Variants in LHFPL2 observed in about 807,000 individuals in gnomAD.
LHFPL2 encodes LHFPL tetraspan subfamily member 2 protein.
Under a neutral mutation model 17.5 loss-of-function variants are expected in LHFPL2, and 7 were observed. The observed-to-expected ratio is 0.40, with a 90% CI of 0.23 to 0.75. The LOEUF (loss-of-function observed/expected upper bound fraction) is 0.75. Among genes scored for constraint, LHFPL2 ranks in the 30% least tolerant of loss-of-function variants. The pLI is 0.37. For missense variants in LHFPL2, 241 were observed against 294.8 expected, an observed-to-expected ratio of 0.82 and a Z score of 1.34; for synonymous variants, 134 against 116.2, an observed-to-expected ratio of 1.15 and a Z score of -0.99.
rs1304308898 is a variant in LHFPL2, at chr5:78,561,411, G to C, written c.-186+3402C>G. Among the ~76,000 whole-genome samples the C allele has an allele frequency of 2.6e-5, 4 of 152,310 alleles. No individual in the cohort carries two copies. In the East Asian group the frequency reaches 5.8e-4, roughly 22 times the overall value. On this transcript the variant is annotated intron_variant, in intron 3 of 4. Transcript: ENST00000380345. ...ATAGCGCTTTCACTTTGCCCCTTCG[G>C]CTAGAATTCCCCTAGATGGGAAGAG... is the stretch of plus-strand genomic sequence containing the variant.
At chr5:78,506,849 G>C (rs11740877) in intron 4 of LHFPL2, among the ~76,000 whole-genome samples, 48,381 of 152,092 alleles carry the variant, frequency 0.32, 8,319 homozygotes, top group East Asian at 0.72. Flanking sequence ...TCTCTGCCTT[G>C]TGCCAATTTA....
At chr5:78,528,303 CAGG>C (rs1219340781) in intron 3 of LHFPL2, among the ~76,000 whole-genome samples, 7 of 152,234 alleles carry the variant, frequency 4.6e-5, no homozygotes, top group Non-Finnish European at 1.5e-5. Context: ...GGCTGCACAG[CAGG>C]AGGTGAGTGG....
chr5:78,592,639 CAT>C (rs1554058161), intron 2 of LHFPL2, among the ~76,000 whole-genome samples: 1 of 73,638 alleles, frequency 1.4e-5, no homozygotes, highest in East Asian at 3.0e-4. Flanking sequence ...CACACACACA[CAT>C]TACTCTTCAA....
At chr5:78,507,338 A>C (rs377517505) in intron 4 of LHFPL2, among the ~76,000 whole-genome samples, 2 of 151,918 alleles carry the variant, frequency 1.3e-5, no homozygotes, top group South Asian at 2.1e-4. Context: ...TTAAAAAAAA[A>C]AAAGAAAAGA....
intron 2 of LHFPL2, among the ~76,000 whole-genome samples, chr5:78,570,337 G>A (rs540455287): frequency 3.9e-5 from 6 of 152,292 alleles, no homozygotes; most frequent in African/African-American, 7.2e-5. Flanking sequence ...CAGGAATTCC[G>A]GCATGAGAAG....
intron 3 of LHFPL2, among the ~76,000 whole-genome samples, chr5:78,562,053 G>A (rs968524245): frequency 2.0e-5 from 3 of 152,228 alleles, no homozygotes; most frequent in African/African-American, 7.2e-5. Flanking sequence ...CACAGAAAGA[G>A]CCTGGCAGAG....
chr5:78,587,609 A>T (rs1743463982), intron 2 of LHFPL2, among the ~76,000 whole-genome samples: 1 of 152,224 alleles, frequency 6.6e-6, no homozygotes, highest in South Asian at 2.1e-4. Flanking sequence ...AATTTCTCTG[A>T]CAATTGTTTG....
chr5:78,541,127 C>T (rs1464467113), intron 3 of LHFPL2, among the ~76,000 whole-genome samples: 2 of 152,160 alleles, frequency 1.3e-5, no homozygotes, highest in Non-Finnish European at 2.9e-5. Context: ...TGATGTATCA[C>T]CATTGAGTCA....
chr5:78,575,222 G>A (rs1757099050), intron 2 of LHFPL2, among the ~76,000 whole-genome samples: 1 of 152,116 alleles, frequency 6.6e-6, no homozygotes, highest in South Asian at 2.1e-4. Flanking sequence ...GAAAGAAAGG[G>A]TTTTGCTGTA....
intron 2 of LHFPL2, among the ~76,000 whole-genome samples, chr5:78,605,007 C>A (rs1744162917): frequency 6.6e-6 from 1 of 152,296 alleles, no homozygotes; most frequent in African/African-American, 2.4e-5. Flanking sequence ...GCTGAATGAA[C>A]CTGTACAACA....
At chr5:78,572,539 CAT>C (rs149879461) in intron 2 of LHFPL2, among the ~76,000 whole-genome samples, 4 of 149,908 alleles carry the variant, frequency 2.7e-5, no homozygotes, top group East Asian at 1.9e-4. Flanking sequence ...TATACACACA[CAT>C]ATATATATAC....
At chr5:78,500,523 A>C (rs1424543557) in intron 4 of LHFPL2, among the ~76,000 whole-genome samples, 1 of 152,200 alleles carries the variant, frequency 6.6e-6, no homozygotes, top group Non-Finnish European at 1.5e-5. Context: ...CCTTCCACCC[A>C]GGAAGAGTTC....
At chr5:78,616,101 T>C (rs75649278) in intron 2 of LHFPL2, among the ~76,000 whole-genome samples, 5,780 of 142,740 alleles carry the variant, frequency 0.04, 387 homozygotes, top group African/African-American at 0.14. Context: ...TCCAACCTCT[T>C]TTCCCAGGTT....
rs539996238 is a variant in LHFPL2, at chr5:78,554,716, C to T, written c.-186+10097G>A. ...GGCTTATTCGTGCTGAGGAAACTTT[C>T]CGTGTCACAGCCATAAGGAGCCTGA... On this transcript the variant is annotated intron_variant, in intron 3 of 4. Coordinates refer to ENST00000380345, the MANE Select transcript of LHFPL2 (RefSeq NM_005779.3). Among the ~76,000 whole-genome samples, 5 of 152,346 alleles carry T rather than the reference C, an allele frequency of 3.3e-5. No individual in the cohort carries two copies. In the South Asian group the frequency reaches 1.0e-3, roughly 32 times the overall value.
At chr5:78,628,064 C>A (rs1745114021) in intron 2 of LHFPL2, among the ~76,000 whole-genome samples, 1 of 152,116 alleles carries the variant, frequency 6.6e-6, no homozygotes, top group Non-Finnish European at 1.5e-5. Flanking sequence ...ACCACAGTGC[C>A]CTGAAGGGTT....
intron 4 of LHFPL2, among the ~76,000 whole-genome samples, chr5:78,494,158 G>T (rs945794924): frequency 1.3e-5 from 2 of 152,160 alleles, no homozygotes; most frequent in African/African-American, 4.8e-5. Flanking sequence ...TTTGTGTGTT[G>T]TGAAGGGCAA....
chr5:78,552,906 G>A (rs901392924), intron 3 of LHFPL2, among the ~76,000 whole-genome samples: 7 of 152,144 alleles, frequency 4.6e-5, no homozygotes, highest in East Asian at 1.9e-4. Context: ...TGTTGGTTTC[G>A]CTATCCAAAC....
At chr5:78,540,200 T>C (rs1483241638) in intron 3 of LHFPL2, among the ~76,000 whole-genome samples, 2 of 152,238 alleles carry the variant, frequency 1.3e-5, no homozygotes, top group East Asian at 1.9e-4. Flanking sequence ...CTAAGAGACA[T>C]GTTTTATGTT....
intron 3 of LHFPL2, among the ~76,000 whole-genome samples, chr5:78,519,958 A>G (rs1367879711): frequency 6.6e-6 from 1 of 151,990 alleles, no homozygotes. Context: ...CTTCAATGCT[A>G]TAAACCACGC....
Sources: gnomAD v4.1 joint callset for allele counts (sites outside exome capture counted in the v4.1 genomes callset) on GRCh38, gnomAD v4.1.1 for gene constraint, MANE v1.5 for transcripts, NCBI Gene and HGNC (gene_info 2026-07-23, HGNC 2026-07-21) for gene names.